The following MYH7 variants were observed in gnomAD, a reference collection of about 807,000 sequenced individuals.
The protein encoded by MYH7 is myosin-7.
MYH7 carries 129 observed loss-of-function variants against 225.4 expected under a neutral mutation model. That is an observed-to-expected ratio of 0.57 (90% confidence interval 0.50 to 0.66). The LOEUF is 0.66. MYH7 is among the 30% of genes least tolerant of loss of function. MYH7 has a pLI of 0.00. For missense variants in MYH7, 1,649 were observed against 2,517.0 expected (o/e 0.66, Z 7.38); for synonymous variants, 971 against 1,007.6 (o/e 0.96, Z 0.69).
chr14:23,419,507 G>A lies in MYH7; in HGVS notation c.3829C>T (p.Arg1277Trp), dbSNP rs727503248. Residue 1277 changes from arginine (R) to tryptophan (W), a missense_variant, in exon 28 of 40, where the codon CGG (arginine) becomes TGG (tryptophan). By Grantham distance (101) the Arg-to-Trp change is moderately radical. Around this residue, in one of 12 missense-constraint regions of MYH7, gnomAD observed 687 missense variants for 913.8 expected, o/e 0.75. Coordinates refer to ENST00000355349, the MANE Select transcript of MYH7 (RefSeq NM_000257.4). ...QRSVNDLTSQ[R>W]AKLQTENGEL... ...CCATTCTCGGTTTGCAACTTGGCCC[G>A]CTGGCTGGTGAGGTCGTTGACAGAA... 8.7e-6 allele frequency: 14 copies of A among 1,613,938 alleles called. No homozygotes were observed. Among genetic ancestry groups the A allele is most frequent in the Non-Finnish European group, 1.1e-5 (13 of 1,180,026 alleles).
intron 12 of MYH7, 137 bp from the exon 13 acceptor site, chr14:23,429,484 T>C (rs1892834985): frequency 1.1e-6 from 1 of 923,414 alleles, no homozygotes; most frequent in Non-Finnish European, 1.7e-6. Flanking sequence ...GAGACCAACC[T>C]GGCCAACATG....
At chr14:23,431,968 C>A (rs1892965296) in intron 6 of MYH7, 99 bp from the exon 7 acceptor site, 2 of 1,277,058 alleles carry the variant, frequency 1.6e-6, no homozygotes, top group Non-Finnish European at 2.3e-6. Context: ...AGAGTAGGAG[C>A]CCTGGGCAAG....
chr14:23,431,869 G>A lies in MYH7; in HGVS notation c.531C>T (p.Thr177=), dbSNP rs200035152. ...TDRENQSILI[T]GESGAGKTVN... is the part of the protein sequence containing the mutation. ...CTGTCTTCCCTGCTCCGGATTCTCC[G>A]CTGTGAAGACAGGGGCTTATTGGGC... Residue 177 remains threonine, a splice_region_variant and synonymous_variant, in exon 7 of 40, where the codon ACC becomes ACT. Transcript: ENST00000355349. 21 of 1,613,944 alleles carry A rather than the reference G, an allele frequency of 1.3e-5. No individual in the cohort carries two copies. The highest frequency in any genetic ancestry group is 1.6e-4 in the Middle Eastern group (1 of 6,062).
At chr14:23,414,969 C>G (rs1159733873) in intron 37 of MYH7, 26 bp downstream of exon 37, 2 of 1,603,278 alleles carry the variant, frequency 1.2e-6, no homozygotes, top group Non-Finnish European at 1.7e-6. Flanking sequence ...TGCCAGGGCT[C>G]TGCCTGGAGT....
chr14:23,432,201 G>A (rs1892973855), intron 6 of MYH7, among the ~76,000 whole-genome samples: 1 of 152,194 alleles, frequency 6.6e-6, no homozygotes, highest in South Asian at 2.1e-4. Flanking sequence ...AAAATGCAGA[G>A]GTGAAGACAT....
intron 29 of MYH7, 88 bp from the exon 30 acceptor site, chr14:23,418,494 A>G: frequency 7.0e-7 from 1 of 1,428,238 alleles, no homozygotes; most frequent in South Asian, 1.4e-5. Flanking sequence ...CAATCTCAAC[A>G]TCATCCCTTG....
intron 22 of MYH7, 35 bp from the exon 23 acceptor site, chr14:23,424,184 G>C (rs1302410026): frequency 6.2e-7 from 1 of 1,613,452 alleles, no homozygotes. Flanking sequence ...GCTGTTCAGG[G>C]GGTAAGGTCC....
At chr14:23,422,684 G>A (rs1239510499) in intron 24 of MYH7, among the ~76,000 whole-genome samples, 1 of 137,380 alleles carries the variant, frequency 7.3e-6, no homozygotes, top group East Asian at 2.2e-4. Context: ...AGGCTGGAGT[G>A]CAGTGGCGCG....
chr14:23,432,625 C>T lies in MYH7; in HGVS notation c.502+14G>A. ...CCCAGTTCCCTTCAGGAAGACCCTT[C>T]CAGGGCCTCTCACCTGTCAGCATGT... On this transcript the variant is annotated intron_variant, in intron 5 of 39. Transcript: ENST00000355349. The T allele has an allele frequency of 6.2e-7, 1 of 1,614,144 alleles. No individual in the cohort carries two copies. The highest frequency in any genetic ancestry group is 8.5e-7 in the Non-Finnish European group (1 of 1,180,012).
chr14:23,430,525 C>T, intron 11 of MYH7, 35 bp downstream of exon 11: 17 of 1,551,486 alleles, frequency 1.1e-5, no homozygotes, highest in Non-Finnish European at 1.5e-5. Flanking sequence ...CACTGCCAAT[C>T]CTCCCACCCC....
intron 22 of MYH7, 94 bp downstream of exon 22, chr14:23,424,675 A>G (rs778612521): frequency 1.1e-4 from 170 of 1,596,420 alleles, no homozygotes; most frequent in Non-Finnish European, 1.3e-4. Context: ...GACTGAAGGA[A>G]CAAGACAGTG....
intron 29 of MYH7, among the ~76,000 whole-genome samples, 178 bp from the exon 30 acceptor site, chr14:23,418,584 G>T (rs1272022032): frequency 1.3e-5 from 2 of 152,170 alleles, no homozygotes; most frequent in Non-Finnish European, 2.9e-5. Context: ...ATACAGCAGT[G>T]AACTATTTAA....
rs397516151 is a variant in MYH7 at position 23,424,949 on chromosome 14, G to A, written c.2499C>T (p.Tyr833=). ...TCTTCAGCAGCGGCTTGATCTTGAA[G>A]TAGAGCTTCATCCAGGGCCAATTCT... ...GVKNWPWMKL[Y]FKIKPLLKSA... is the part of the protein sequence containing the mutation. Residue 833 remains tyrosine, a synonymous_variant, in exon 22 of 40, where the codon TAC becomes TAT. Transcript: ENST00000355349. The A allele has an allele frequency of 1.1e-5, 18 of 1,614,120 alleles. No homozygotes were observed. The highest frequency in any genetic ancestry group is 1.5e-5 in the Non-Finnish European group (18 of 1,180,048).
rs1484652665 is a variant in MYH7 at position 23,425,657 on chromosome 14, A to C, written c.2286+38T>G. 6.2e-7 allele frequency: 1 copy of C among 1,613,724 alleles called. No individual in the cohort carries two copies. Among genetic ancestry groups the C allele is most frequent in the East Asian group, 2.2e-5 (1 of 44,898 alleles). On this transcript the variant is annotated intron_variant, in intron 20 of 39. Coordinates refer to ENST00000355349, the MANE Select transcript of MYH7 (RefSeq NM_000257.4). This position sits in a 1 kb window ranked among gnomAD's most constrained non-coding sequence, Gnocchi z 4.6. ...AGCATCAGAGGAGTCAATGGAAAAG[A>C]GATGTCTTCCTTTAATTAATTAGTC... is the stretch of plus-strand genomic sequence containing the variant.
chr14:23,417,727 G>T (rs1435577151), intron 30 of MYH7, 41 bp from the exon 31 acceptor site: 2 of 1,607,362 alleles, frequency 1.2e-6, no homozygotes, highest in Admixed American at 3.4e-5. Flanking sequence ...AGGATGGAGG[G>T]TGTGGATGGG....
intron 12 of MYH7, 115 bp from the exon 13 acceptor site, chr14:23,429,462 G>A (rs1308630310): frequency 1.8e-6 from 2 of 1,103,870 alleles, no homozygotes; most frequent in African/African-American, 3.1e-5. Flanking sequence ...GATCACTTGA[G>A]GTCAGGAGTT....
At chr14:23,432,438 A>G (rs1892986694) in intron 6 of MYH7, 41 bp downstream of exon 6, 1 of 1,613,248 alleles carries the variant, frequency 6.2e-7, no homozygotes, top group Non-Finnish European at 8.5e-7. Flanking sequence ...GGCTGGGATC[A>G]GGGAGATTCT....
chr14:23,418,384 G>C lies in MYH7; in HGVS notation c.3995C>G (p.Ala1332Gly). Residue 1332 changes from alanine to glycine, a missense_variant, in exon 30 of 40, where the codon GCA (alanine) becomes GGA (glycine). Transcript: ENST00000355349. Reference sequence around the variant, plus strand: ...GCAGTCATGCCGGGCCGACTGCAGTGCGTGGGCCAGGGCGTTCTTCGCCTG... The same window carrying C: ...GCAGTCATGCCGGGCCGACTGCAGTCCGTGGGCCAGGGCGTTCTTCGCCTG... ...EVKAKNALAH[A>G]LQSARHDCDL... 1 of 1,612,130 alleles carries C rather than the reference G, an allele frequency of 6.2e-7. No individual in the cohort carries two copies.
chr14:23,426,307 A>C (rs867415432), intron 18 of MYH7, among the ~76,000 whole-genome samples: 7 of 152,282 alleles, frequency 4.6e-5, no homozygotes, highest in Middle Eastern at 3.4e-3. Flanking sequence ...AGATATATCC[A>C]ATGTTCTAGA....
Sources: allele counts gnomAD v4.1 joint callset (sites outside exome capture counted in the v4.1 genomes callset), GRCh38; gene constraint gnomAD v4.1.1; regional missense constraint gnomAD v4.1.1; non-coding constraint Gnocchi (gnomAD v3.1); transcripts MANE v1.5; gene names NCBI Gene and HGNC (gene_info 2026-07-23, HGNC 2026-07-21).